Variants in ADGRB3 observed in about 807,000 individuals in gnomAD.
ADGRB3 encodes the protein brain-specific angiogenesis inhibitor 3.
ADGRB3 carries 37 observed loss-of-function variants against 193.4 expected under a neutral mutation model. That is an observed-to-expected ratio of 0.19 (90% CI 0.15 to 0.25). The LOEUF is 0.25. Ranked by LOEUF, ADGRB3 falls within the 10% of genes least tolerant of loss-of-function variation. The probability of loss-of-function intolerance (pLI) is 1.00; values close to 1 mark genes in which losing one functional copy is unlikely to be tolerated. For missense variants in ADGRB3, 1,637 were observed against 1,852.9 expected (o/e 0.88, Z 2.14); for synonymous variants, 690 against 644.2 (o/e 1.07, Z -1.08).
intron 3 of ADGRB3, among the ~76,000 whole-genome samples, chr6:68,855,711 A>G (rs1252697954): frequency 2.0e-5 from 3 of 152,182 alleles, no homozygotes; most frequent in Non-Finnish European, 4.4e-5. Context: ...AATATTAAGA[A>G]TGTACTGGAT....
At chr6:69,033,999 A>T (rs928841790) in intron 13 of ADGRB3, among the ~76,000 whole-genome samples, 1 of 152,066 alleles carries the variant, frequency 6.6e-6, no homozygotes, top group Non-Finnish European at 1.5e-5. Flanking sequence ...ATATATTCTG[A>T]ATTCAGACAA....
intron 13 of ADGRB3, among the ~76,000 whole-genome samples, chr6:69,040,166 C>T (rs867059649): frequency 6.6e-6 from 1 of 152,008 alleles, no homozygotes; most frequent in South Asian, 2.1e-4. Flanking sequence ...TGTGTAAAGT[C>T]TTAGTGACCT....
At position 68,642,806 on chromosome 6, in the gene ADGRB3, T is replaced by TA. The variant is rs1175461149; in HGVS notation, c.757+3385dup. On this transcript the variant is annotated intron_variant, in intron 3 of 31. Transcript: ENST00000370598. ...CTCTTAACATATAATGGCTATAACTTAAAAAAAAAAACTCAAATAACATTA... is the reference window on the plus strand; with the variant it reads ...CTCTTAACATATAATGGCTATAACTTAAAAAAAAAAAACTCAAATAACATTA... Among the ~76,000 whole-genome samples the TA allele has an allele frequency of 9.7e-3, 1,403 of 144,886 alleles. 10 individuals carry two copies. Among genetic ancestry groups the TA allele is most frequent in the African/African-American group, 0.019 (777 of 39,858 alleles).
intron 3 of ADGRB3, among the ~76,000 whole-genome samples, chr6:68,762,364 A>G (rs1190617885): frequency 6.6e-6 from 1 of 152,166 alleles, no homozygotes; most frequent in Non-Finnish European, 1.5e-5. Flanking sequence ...AAAATAAGTG[A>G]GTAACGATGA....
intron 15 of ADGRB3, among the ~76,000 whole-genome samples, chr6:69,050,515 T>C (rs1771362166): frequency 6.6e-6 from 1 of 152,244 alleles, no homozygotes; most frequent in Non-Finnish European, 1.5e-5. Flanking sequence ...TTTCCAGTGG[T>C]TTTATTAAAA....
intron 17 of ADGRB3, among the ~76,000 whole-genome samples, chr6:69,230,127 T>G (rs1382077937): frequency 6.6e-6 from 1 of 152,166 alleles, no homozygotes; most frequent in African/African-American, 2.4e-5. Context: ...AAAAAATGAC[T>G]TAATGCCCAG....
intron 3 of ADGRB3, among the ~76,000 whole-genome samples, chr6:68,759,533 T>G (rs1438826279): frequency 1.3e-5 from 2 of 152,124 alleles, no homozygotes; most frequent in African/African-American, 4.8e-5. Flanking sequence ...AGATGCTATG[T>G]GTGTAACTTT....
At chr6:69,327,673 C>G in intron 21 of ADGRB3, 147 bp from the exon 22 acceptor site, 1 of 510,434 alleles carries the variant, frequency 2.0e-6, no homozygotes, top group Non-Finnish European at 3.3e-6. Flanking sequence ...TGAAAGAAAT[C>G]CTGTAATAGA....
At chr6:69,367,994 G>T (rs1390006523) in intron 29 of ADGRB3, among the ~76,000 whole-genome samples, 3 of 123,080 alleles carry the variant, frequency 2.4e-5, no homozygotes, top group Non-Finnish European at 3.2e-5. Context: ...GGGGACTGTG[G>T]TGGGGTGGGG....
chr6:69,184,402 G>A, intron 17 of ADGRB3, among the ~76,000 whole-genome samples: 1 of 151,898 alleles, frequency 6.6e-6, no homozygotes, highest in Non-Finnish European at 1.5e-5. Context: ...CCAACATAAT[G>A]GCTGCCAACA....
intron 20 of ADGRB3, among the ~76,000 whole-genome samples, chr6:69,262,361 C>A (rs1014241350): frequency 6.6e-6 from 1 of 152,010 alleles, no homozygotes; most frequent in Admixed American, 6.6e-5. Flanking sequence ...ATGTGAAACT[C>A]AAATACTTTT....
intron 3 of ADGRB3, among the ~76,000 whole-genome samples, chr6:68,819,205 C>G (rs766473585): frequency 6.6e-6 from 1 of 151,988 alleles, no homozygotes; most frequent in Non-Finnish European, 1.5e-5. Flanking sequence ...TCACACACCC[C>G]TTTAATAATC....
At position 69,239,105 on chromosome 6, in the gene ADGRB3, CT is replaced by C; in HGVS notation, c.2712-15del. 6.7e-7 allele frequency: 1 copy of C among 1,482,900 alleles called. No homozygotes were observed. Among genetic ancestry groups the C allele is most frequent in the South Asian group, 1.2e-5 (1 of 83,528 alleles). The allele number at this position is 1,482,900 out of a possible 1,614,324, so 91.9% of individuals were successfully genotyped here. On this transcript the variant is annotated intron_variant, in intron 19 of 31. Coordinates refer to ENST00000370598, the MANE Select transcript of ADGRB3 (RefSeq NM_001704.3). ...TCTGTTGGATTTTAAAGTTGGGTAA[CT>C]TTTCTCTCTCTGGCTAGGTACATAC...
In ADGRB3 at chr6:68,922,379, A is replaced by G. The variant is rs1767067694; in HGVS notation, c.758-8180A>G. Among the ~76,000 whole-genome samples, 3 of 152,340 alleles carry G rather than the reference A, an allele frequency of 2.0e-5. No homozygotes were observed. The South Asian group carries it at 6.2e-4, about 32-fold the overall frequency. On this transcript the variant is annotated intron_variant, in intron 3 of 31. Transcript: ENST00000370598. ...TAAAATAAGTATTAGGCAATCTGAG[A>G]TTTCACATGCAAGGTAAACCTTGAT...
chr6:69,074,750 T>C (rs556694441), intron 16 of ADGRB3, among the ~76,000 whole-genome samples: 3 of 152,152 alleles, frequency 2.0e-5, no homozygotes, highest in Non-Finnish European at 4.4e-5. Flanking sequence ...TTTCACTGTG[T>C]TAGCCAGGAT....
rs114827129 is a variant in ADGRB3, at chr6:68,944,361, G to A, written c.1195+367G>A. Among the ~76,000 whole-genome samples, 375 of 152,256 alleles carry A rather than the reference G, an allele frequency of 2.5e-3. 2 individuals are homozygous for A. Among genetic ancestry groups the A allele is most frequent in the African/African-American group, 8.6e-3 (356 of 41,566 alleles). ...ACTAGGGAGATCTGATTTAGAGCCA[G>A]TTCTTCCTATGTTATTCTCTTACAC... On this transcript the variant is annotated intron_variant, in intron 6 of 31. Transcript: ENST00000370598.
chr6:68,870,750 G>A (rs1309342309), intron 3 of ADGRB3, among the ~76,000 whole-genome samples: 1 of 152,174 alleles, frequency 6.6e-6, no homozygotes, highest in Non-Finnish European at 1.5e-5. Context: ...GTTTCCTCAT[G>A]TTTAATATGA....
At chr6:69,038,687 A>G (rs182330059) in intron 13 of ADGRB3, among the ~76,000 whole-genome samples, 25 of 152,318 alleles carry the variant, frequency 1.6e-4, no homozygotes, top group South Asian at 6.2e-4. Flanking sequence ...TGCTATAATC[A>G]CCTTACATTT....
intron 20 of ADGRB3, among the ~76,000 whole-genome samples, chr6:69,247,930 G>A (rs1313537237): frequency 1.3e-5 from 2 of 152,038 alleles, no homozygotes; most frequent in Non-Finnish European, 2.9e-5. Flanking sequence ...ATTTTATGAT[G>A]ATATAAGGGA....
Sources: allele counts gnomAD v4.1 joint callset (sites outside exome capture counted in the v4.1 genomes callset), GRCh38; gene constraint gnomAD v4.1.1; transcripts MANE v1.5; gene names NCBI Gene and HGNC (gene_info 2026-07-23, HGNC 2026-07-21).